Variants in OSBPL10 observed in about 807,000 individuals in gnomAD.
The protein encoded by OSBPL10 is oxysterol binding protein like 10, also known as oxysterol-binding protein-related protein 10.
OSBPL10 carries 49 observed loss-of-function variants against 81.7 expected under a neutral mutation model. That is an observed-to-expected ratio of 0.60 (90% confidence interval 0.48 to 0.76). The LOEUF (loss-of-function observed/expected upper bound fraction) is 0.76. Ranked by LOEUF, OSBPL10 falls within the 30% of genes least tolerant of loss-of-function variation. The pLI is 0.00. For missense variants in OSBPL10, 923 were observed against 987.8 expected, an observed-to-expected ratio of 0.93 and a Z score of 0.88; for synonymous variants, 419 against 383.6, an observed-to-expected ratio of 1.09 and a Z score of -1.08.
chr3:31,971,250 C>T (rs1283948456), intron 1 of OSBPL10, among the ~76,000 whole-genome samples: 1 of 149,862 alleles, frequency 6.7e-6, no homozygotes, highest in African/African-American at 2.5e-5. Context: ...AAGCGATTCT[C>T]CTGTCTCAGC....
chr3:31,998,494 T>C (rs1699112648), intron 2 of OSBPL10, among the ~76,000 whole-genome samples: 1 of 152,234 alleles, frequency 6.6e-6, no homozygotes, highest in South Asian at 2.1e-4. Context: ...TCACAACTAC[T>C]GTATATTAAC....
chr3:31,940,252 T>G (rs1697497151), intron 1 of OSBPL10, among the ~76,000 whole-genome samples: 1 of 152,234 alleles, frequency 6.6e-6, no homozygotes, highest in South Asian at 2.1e-4. Flanking sequence ...GAAAAGGAGC[T>G]ACGACTGATG....
intron 6 of OSBPL10, chr3:31,732,917 G>A (rs140809024): frequency 5.3e-5 from 16 of 300,162 alleles, no homozygotes; most frequent in African/African-American, 2.5e-4. Flanking sequence ...TCAGGGGAGC[G>A]ACATAATATA....
intron 1 of OSBPL10, among the ~76,000 whole-genome samples, chr3:32,071,410 T>C (rs1699827422): frequency 6.6e-6 from 1 of 152,202 alleles, no homozygotes; most frequent in Non-Finnish European, 1.5e-5. Flanking sequence ...TTCCATTCCT[T>C]GAAAACAGCT....
At chr3:31,786,430 T>C (rs184181075) in intron 4 of OSBPL10, among the ~76,000 whole-genome samples, 105 of 152,332 alleles carry the variant, frequency 6.9e-4, no homozygotes, top group African/African-American at 2.3e-3. Context: ...TTATAGACAG[T>C]AGAAATTTAC....
intron 1 of OSBPL10, among the ~76,000 whole-genome samples, chr3:31,951,673 T>A (rs973150313): frequency 1.3e-5 from 2 of 150,984 alleles, no homozygotes; most frequent in Non-Finnish European, 3.0e-5. Context: ...TATGATTGTA[T>A]ACAATTATAA....
At chr3:31,759,095 C>CTTTTTTTTTTTTTTTTT (rs1559452204) in intron 4 of OSBPL10, among the ~76,000 whole-genome samples, 1 of 152,060 alleles carries the variant, frequency 6.6e-6, no homozygotes, top group African/African-American at 2.4e-5. Context: ...TTAGAAATTC[C>CTTTTTTTTTTTTTTTTT]ATTTGTCAGA....
At chr3:31,769,019 C>T (rs1040300840) in intron 4 of OSBPL10, among the ~76,000 whole-genome samples, 3 of 151,892 alleles carry the variant, frequency 2.0e-5, no homozygotes, top group African/African-American at 7.3e-5. Flanking sequence ...ACGGCAGCCG[C>T]GGAAAAATAA....
At chr3:31,769,336 T>C (rs1291234953) in intron 4 of OSBPL10, among the ~76,000 whole-genome samples, 1 of 150,160 alleles carries the variant, frequency 6.7e-6, no homozygotes, top group Non-Finnish European at 1.5e-5. Context: ...TCCCAGCTAC[T>C]CTGGATGCTG....
intron 1 of OSBPL10, among the ~76,000 whole-genome samples, chr3:31,883,946 G>A (rs907154678): frequency 2.6e-5 from 4 of 152,142 alleles, no homozygotes; most frequent in East Asian, 1.9e-4. Context: ...TGAAGCAAAG[G>A]CTTAACTTTT....
intron 2 of OSBPL10, among the ~76,000 whole-genome samples, chr3:31,995,857 C>G (rs1474942556): frequency 2.6e-5 from 4 of 152,170 alleles, no homozygotes; most frequent in African/African-American, 7.2e-5. Flanking sequence ...GATGAAGTGA[C>G]ATGCAGTTAG....
At chr3:31,872,368 C>T (rs899892309) in intron 3 of OSBPL10, among the ~76,000 whole-genome samples, 2 of 151,936 alleles carry the variant, frequency 1.3e-5, no homozygotes, top group Non-Finnish European at 1.5e-5. Context: ...GTTGGGGCTT[C>T]TTTGTGTACA....
At chr3:31,761,823 A>AAAAAAAAAAAAAAAAAAAAAAAAAC (rs1553622727) in intron 4 of OSBPL10, among the ~76,000 whole-genome samples, 5 of 149,984 alleles carry the variant, frequency 3.3e-5, no homozygotes, top group African/African-American at 1.3e-4. Context: ...TAAAAAAAAA[A>AAAAAAAAAAAAAAAAAAAAAAAAAC]AAAAAAAACC....
rs1222598265 is a variant in OSBPL10, at chr3:31,837,360, TATATATATATATATAGTA to T, written c.538-7147_538-7130del. Among the ~76,000 whole-genome samples the T allele has an allele frequency of 2.1e-3, 64 of 31,088 alleles. 2 individuals carry two copies. Among genetic ancestry groups the T allele is most frequent in the East Asian group, 0.015 (11 of 718 alleles). 20.4% of individuals were successfully genotyped at this position (31,088 alleles called of 152,430 possible). A position where few individuals can be genotyped will look rare whatever the true frequency, so the allele number is the denominator to read the frequency against. On this transcript the variant is annotated intron_variant, in intron 3 of 11. Coordinates refer to ENST00000396556, the MANE Select transcript of OSBPL10 (RefSeq NM_017784.5). The stretch of plus-strand genomic sequence containing the variant: ...ATATATATATATATATATATATATA[TATATATATATATATAGTA>T]AGTAACATAACACAGAGACCTTTAA...
intron 6 of OSBPL10, among the ~76,000 whole-genome samples, chr3:31,729,575 C>A (rs1696903522): frequency 6.6e-6 from 1 of 152,146 alleles, no homozygotes; most frequent in Admixed American, 6.5e-5. Context: ...CGCACGCCAC[C>A]ACGCCCAGCT....
intron 1 of OSBPL10, among the ~76,000 whole-genome samples, chr3:31,968,281 G>C (rs1157411396): frequency 2.0e-5 from 3 of 151,940 alleles, no homozygotes; most frequent in East Asian, 3.9e-4. Context: ...CGGATCACAA[G>C]TTACATGCAG....
At chr3:31,853,594 G>C (rs1030923606) in intron 3 of OSBPL10, among the ~76,000 whole-genome samples, 4 of 152,190 alleles carry the variant, frequency 2.6e-5, no homozygotes, top group African/African-American at 9.7e-5. Context: ...GCCCAGAACT[G>C]ACTCTACTTA....
intron 4 of OSBPL10, among the ~76,000 whole-genome samples, chr3:31,823,658 T>C (rs1304147458): frequency 6.6e-6 from 1 of 152,224 alleles, no homozygotes; most frequent in Non-Finnish European, 1.5e-5. Context: ...TTTAACTGAA[T>C]GGATATAAAA....
intron 4 of OSBPL10, among the ~76,000 whole-genome samples, chr3:31,802,884 C>T (rs976020801): frequency 6.6e-6 from 1 of 152,000 alleles, no homozygotes; most frequent in Non-Finnish European, 1.5e-5. Flanking sequence ...CAAAGAGCCA[C>T]CCAGTCAGCT....
Sources: gnomAD v4.1 joint callset for allele counts (sites outside exome capture counted in the v4.1 genomes callset) on GRCh38, gnomAD v4.1.1 for gene constraint, MANE v1.5 for transcripts, NCBI Gene and HGNC (gene_info 2026-07-23, HGNC 2026-07-21) for gene names.